Variants in TNNT3 observed in about 807,000 individuals in gnomAD.
The protein encoded by TNNT3 is troponin T, fast skeletal muscle.
A neutral mutation model predicts 54.2 loss-of-function variants in TNNT3; 36 were observed. The ratio of observed to expected loss-of-function variants is 0.66; its 90% CI spans 0.51 to 0.88. TNNT3 has a LOEUF of 0.88. Among genes scored for constraint, TNNT3 ranks in the 40% least tolerant of loss-of-function variants. The probability of loss-of-function intolerance (pLI) is 0.00; values close to 1 mark genes in which losing one functional copy is unlikely to be tolerated. For synonymous variants in TNNT3, 120 were observed against 109.7 expected (o/e 1.09, Z -0.59); for missense variants, 291 against 331.6 (o/e 0.88, Z 0.95).
chr11:1,923,624 C>T (rs114684124), intron 4 of TNNT3, 52 bp downstream of exon 4: 3 of 1,359,122 alleles, frequency 2.2e-6, no homozygotes, highest in South Asian at 1.1e-5. Context: ...GGAACTTAAC[C>T]CCCCTCTCCC....
intron 2 of TNNT3, 36 bp from the exon 3 acceptor site, chr11:1,923,012 T>C: frequency 6.2e-7 from 1 of 1,613,732 alleles, no homozygotes; most frequent in Non-Finnish European, 8.5e-7. Context: ...TCACTACCTC[T>C]CTCTCTTTCT....
intron 5 of TNNT3, among the ~76,000 whole-genome samples, chr11:1,926,083 C>T (rs552736527): frequency 1.2e-4 from 19 of 152,264 alleles, no homozygotes; most frequent in East Asian, 1.9e-4. Flanking sequence ...CAACCTCGCA[C>T]GTGGGCCTTG....
intron 14 of TNNT3, 80 bp from the exon 15 acceptor site, chr11:1,936,883 G>C: frequency 2.8e-6 from 4 of 1,448,992 alleles, no homozygotes; most frequent in Non-Finnish European, 3.8e-6. Context: ...AGCCCACCCT[G>C]CGGTGGAGAC....
chr11:1,938,527 C>T lies in TNNT3; in HGVS notation c.*35C>T, dbSNP rs745386275. ...AAAGGCCCCTCGAGGCAGAGACCCT[C>T]CGCCCTCTTGCACACCAGGGCCGCT... On this transcript the variant is annotated 3_prime_UTR_variant, in exon 16 of 16. Coordinates refer to ENST00000278317, the MANE Select transcript of TNNT3 (RefSeq NM_006757.4). 4 of 1,609,194 alleles carry T rather than the reference C, an allele frequency of 2.5e-6. No individual in the cohort carries two copies. The highest frequency in any genetic ancestry group is 3.4e-6 in the Non-Finnish European group (4 of 1,176,872).
At chr11:1,922,576 C>G (rs1168990329) in intron 1 of TNNT3, among the ~76,000 whole-genome samples, 2 of 152,126 alleles carry the variant, frequency 1.3e-5, no homozygotes, top group Non-Finnish European at 2.9e-5. Flanking sequence ...CCACGACCTT[C>G]CAACATCCCT....
chr11:1,933,646 T>C, intron 9 of TNNT3, 75 bp from the exon 10 acceptor site: 1 of 1,193,282 alleles, frequency 8.4e-7, no homozygotes, highest in Non-Finnish European at 1.2e-6. Context: ...AAGGGACCTC[T>C]TGCTGCAAGG....
chr11:1,932,494 G>A lies in TNNT3; in HGVS notation c.151G>A (p.Gly51Arg). 1 of 1,613,884 alleles carries A rather than the reference G, an allele frequency of 6.2e-7. No individual in the cohort carries two copies. The change falls in exon 9 of 16, where the codon GGG becomes AGG. Residue 51 changes from glycine to arginine, a missense_variant. Transcript: ENST00000278317. ...PKLTAPKIPE[G>R]EKVDFDDIQK... ...ACTCACTGCTCCTAAGATCCCAGAA[G>A]GGGAGAAAGTGGACTTCGATGTAAG...
intron 8 of TNNT3, among the ~76,000 whole-genome samples, chr11:1,931,613 G>A (rs548046116): frequency 1.4e-4 from 22 of 152,248 alleles, no homozygotes; most frequent in African/African-American, 5.3e-4. Flanking sequence ...TCTCCTGGTG[G>A]AGGAATCTCT....
At chr11:1,936,093 C>A (rs973712314) in intron 14 of TNNT3, 3 of 1,095,626 alleles carry the variant, frequency 2.7e-6, no homozygotes, top group Admixed American at 1.9e-5. Context: ...ATAGATGCGG[C>A]CACAGCGGGC....
At position 1,922,952 on chromosome 11, in the gene TNNT3, G is replaced by C. The variant is rs373066501; in HGVS notation, c.17+61G>C. ...TCGGGACCCTGGCCCCTTGGCTTCT[G>C]TGGGGCTGGAGCATGCGCTATCTTG... On this transcript the variant is annotated intron_variant, in intron 2 of 15. Transcript: ENST00000278317. 36 of 1,613,618 alleles carry C rather than the reference G, an allele frequency of 2.2e-5. No homozygotes were observed. In the African/African-American group the frequency reaches 3.7e-4, roughly 17 times the overall value.
chr11:1,934,630 G>C lies in TNNT3; in HGVS notation c.565G>C (p.Asp189His). 1 of 1,609,136 alleles carries C rather than the reference G, an allele frequency of 6.2e-7. No individual in the cohort carries two copies. The highest frequency in any genetic ancestry group is 8.5e-7 in the Non-Finnish European group (1 of 1,178,234). The change falls in exon 13 of 16, where the codon GAT (aspartate) becomes CAT (histidine). Residue 189 changes from aspartate to histidine, a missense_variant. Coordinates refer to ENST00000278317, the MANE Select transcript of TNNT3 (RefSeq NM_006757.4). ...TGAGAGACGCAAGCCGCTCAACATC[G>C]ATCACCTTGGTGAAGACAAACTGAG... is the stretch of plus-strand genomic sequence containing the variant. ...LAERRKPLNI[D>H]HLGEDKLRDK...
chr11:1,934,561 G>C lies in TNNT3; in HGVS notation c.496G>C (p.Gly166Arg), dbSNP rs775584381. ...TCCGCTGCAGGCTGACCAGAAGAGA[G>C]GCAAGAAGCAGACAGCCCGGGAAAT... ...SYLAKADQKR[G>R]KKQTAREMKK... is the part of the protein sequence containing the mutation. Residue 166 changes from glycine (G) to arginine (R), a missense_variant, in exon 13 of 16, where the codon GGC becomes CGC. Transcript: ENST00000278317. The C allele has an allele frequency of 1.2e-6, 2 of 1,609,792 alleles. No individual in the cohort carries two copies. The highest frequency in any genetic ancestry group is 3.4e-5 in the Admixed American group (2 of 59,570).
chr11:1,934,480 T>G, intron 12 of TNNT3, 35 bp downstream of exon 12: 2 of 1,609,644 alleles, frequency 1.2e-6, no homozygotes, highest in Non-Finnish European at 1.7e-6. Context: ...GTGGTAGCCT[T>G]CAGTGTGGGC....
chr11:1,924,548 G>A (rs760348677), intron 4 of TNNT3, among the ~76,000 whole-genome samples: 2 of 152,244 alleles, frequency 1.3e-5, no homozygotes, highest in Non-Finnish European at 1.5e-5. Context: ...CGAAAAGGTG[G>A]AAAGACTCAT....
intron 3 of TNNT3, among the ~76,000 whole-genome samples, 175 bp from the exon 4 acceptor site, chr11:1,923,380 G>A (rs1850607109): frequency 6.6e-6 from 1 of 151,796 alleles, no homozygotes; most frequent in South Asian, 2.1e-4. Context: ...CATCACCAGA[G>A]CCTCTGCCTT....
At chr11:1,935,093 G>A (rs915944530) in intron 14 of TNNT3, 174 bp downstream of exon 14, 5 of 703,910 alleles carry the variant, frequency 7.1e-6, no homozygotes, top group Admixed American at 2.0e-5. Context: ...TTTCCTGCTG[G>A]GGACTGTGGC....
At chr11:1,929,381 G>A (rs1852635595) in intron 7 of TNNT3, among the ~76,000 whole-genome samples, 1 of 152,224 alleles carries the variant, frequency 6.6e-6, no homozygotes, top group African/African-American at 2.4e-5. Flanking sequence ...ACAGCGGAGG[G>A]GGAGTAAGCG....
rs1430225769 is a variant in TNNT3, at chr11:1,936,981, C to T, written c.700C>T (p.Arg234Cys). The T allele has an allele frequency of 7.5e-6, 12 of 1,606,246 alleles. No individual in the cohort carries two copies. Among genetic ancestry groups the T allele is most frequent in the Admixed American group, 5.1e-5 (3 of 59,216 alleles). The change falls in exon 15 of 16, where the codon CGC becomes TGC. Residue 234 changes from arginine (R) to cysteine (C), a missense_variant. By Grantham distance (180) the Arg-to-Cys change is radical. Coordinates refer to ENST00000278317, the MANE Select transcript of TNNT3 (RefSeq NM_006757.4). ...QKYDITTLRSRIDQAQKHSKK... is the reference protein window; with the variant it reads ...QKYDITTLRSCIDQAQKHSKK... Reference sequence around the variant, plus strand: ...TTCACAGATCACCACGCTCAGGAGCCGCATTGACCAGGCCCAGAAGCAGTG... The same window carrying T: ...TTCACAGATCACCACGCTCAGGAGCTGCATTGACCAGGCCCAGAAGCAGTG...
At chr11:1,922,715 C>T (rs942608379) in intron 1 of TNNT3, 142 bp from the exon 2 acceptor site, 2 of 782,396 alleles carry the variant, frequency 2.6e-6, no homozygotes, top group Admixed American at 4.0e-5. Flanking sequence ...TGGACTCACC[C>T]AAGGCCAGAG....
Sources: gnomAD v4.1 joint callset for allele counts (sites outside exome capture counted in the v4.1 genomes callset) on GRCh38, gnomAD v4.1.1 for gene constraint, MANE v1.5 for transcripts, NCBI Gene and HGNC (gene_info 2026-07-23, HGNC 2026-07-21) for gene names.